The following SCD5 variants were observed in gnomAD, a reference collection of about 807,000 sequenced individuals.
SCD5 encodes acyl-CoA-desaturase 4.
A neutral mutation model predicts 30.4 loss-of-function variants in SCD5; 20 were observed. The observed-to-expected ratio is 0.66, with a 90% CI of 0.46 to 0.96. The LOEUF (loss-of-function observed/expected upper bound fraction) is 0.96. SCD5 is among the 40% of genes least tolerant of loss of function. The probability of loss-of-function intolerance (pLI) is 0.00; values close to 1 mark genes in which losing one functional copy is unlikely to be tolerated. For missense variants in SCD5, 381 were observed against 443.3 expected (o/e 0.86, Z 1.26); for synonymous variants, 173 against 176.4 (o/e 0.98, Z 0.16).
At chr4:82,746,219 T>C (rs1050928996) in intron 1 of SCD5, among the ~76,000 whole-genome samples, 1 of 152,168 alleles carries the variant, frequency 6.6e-6, no homozygotes, top group African/African-American at 2.4e-5. Context: ...TATCACTGAA[T>C]TAGAAAACTA....
intron 3 of SCD5, among the ~76,000 whole-genome samples, chr4:82,661,854 C>A (rs950408743): frequency 6.6e-6 from 1 of 152,176 alleles, no homozygotes. Flanking sequence ...ACGCAACACA[C>A]CCCATCTGTT....
chr4:82,683,638 C>A (rs1383496375), intron 2 of SCD5, among the ~76,000 whole-genome samples: 1 of 152,102 alleles, frequency 6.6e-6, no homozygotes, highest in African/African-American at 2.4e-5. Flanking sequence ...GGCACTGTGT[C>A]CCCACCCAAA....
intron 4 of SCD5, 117 bp downstream of exon 4, chr4:82,636,474 G>T: frequency 4.8e-5 from 32 of 671,120 alleles, no homozygotes; most frequent in Non-Finnish European, 7.7e-5. Context: ...AAAAGCTCAA[G>T]TTCACTGAAC....
chr4:82,737,558 T>G (rs950411336), intron 1 of SCD5, among the ~76,000 whole-genome samples: 1 of 152,200 alleles, frequency 6.6e-6, no homozygotes, highest in Non-Finnish European at 1.5e-5. Flanking sequence ...AATCCCCTCA[T>G]AAATTTTCCT....
chr4:82,728,531 T>C (rs2148834642), intron 1 of SCD5, among the ~76,000 whole-genome samples: 1 of 152,298 alleles, frequency 6.6e-6, no homozygotes, highest in Admixed American at 6.5e-5. Context: ...ATCACTATTG[T>C]AGAACCTAAG....
intron 1 of SCD5, among the ~76,000 whole-genome samples, chr4:82,770,179 C>G (rs778958909): frequency 2.1e-4 from 23 of 107,470 alleles, no homozygotes; most frequent in Non-Finnish European, 3.4e-4. Flanking sequence ...TGCTATCCTG[C>G]CCCCCTCCCC....
intron 1 of SCD5, among the ~76,000 whole-genome samples, chr4:82,748,152 A>T (rs1381362318): frequency 6.6e-6 from 1 of 152,234 alleles, no homozygotes; most frequent in Non-Finnish European, 1.5e-5. Flanking sequence ...AACCTAAAAG[A>T]GAAATAATTA....
intron 3 of SCD5, among the ~76,000 whole-genome samples, chr4:82,659,184 C>T (rs984546380): frequency 1.3e-5 from 2 of 151,912 alleles, no homozygotes; most frequent in African/African-American, 4.8e-5. Context: ...GGTGATATCC[C>T]CTTTATCATT....
At chr4:82,753,789 C>A (rs993882875) in intron 1 of SCD5, among the ~76,000 whole-genome samples, 1 of 152,114 alleles carries the variant, frequency 6.6e-6, no homozygotes, top group Non-Finnish European at 1.5e-5. Flanking sequence ...GCACATACCC[C>A]CCTGACAGAA....
At chr4:82,668,800 T>C (rs1273600013) in intron 3 of SCD5, among the ~76,000 whole-genome samples, 2 of 152,194 alleles carry the variant, frequency 1.3e-5, no homozygotes, top group African/African-American at 4.8e-5. Context: ...TGGCAGAGCA[T>C]GGTTGTACTT....
chr4:82,686,481 C>T (rs960878), intron 2 of SCD5, among the ~76,000 whole-genome samples: 121,567 of 152,136 alleles, frequency 0.8, 48,784 homozygotes, highest in Middle Eastern at 0.87. Flanking sequence ...TAACAATTCA[C>T]TTTCTGGAGT....
chr4:82,727,768 C>T (rs116067196), intron 1 of SCD5, among the ~76,000 whole-genome samples: 110 of 152,242 alleles, frequency 7.2e-4, no homozygotes, highest in African/African-American at 2.6e-3. Flanking sequence ...GTGCAGTGAC[C>T]GCGATCTCGG....
chr4:82,693,319 T>C (rs930023320), intron 2 of SCD5, among the ~76,000 whole-genome samples: 18 of 152,100 alleles, frequency 1.2e-4, no homozygotes, highest in Non-Finnish European at 2.5e-4. Flanking sequence ...ACATCTCTCA[T>C]TGCCTGTCCC....
Position 82,734,510 on chromosome 4 carries a change from T to C in SCD5, c.233-29097A>G, listed in dbSNP as rs374582903. ...CTTGTGTTTCAGATCTGCACAGCTG[T>C]GAGAAACCACATAAAGGAGATGTAA... is the stretch of plus-strand genomic sequence containing the variant. On this transcript the variant is annotated intron_variant, in intron 1 of 4. Transcript: ENST00000319540. Among the ~76,000 whole-genome samples the C allele has an allele frequency of 3.9e-5, 6 of 152,356 alleles. No homozygotes were observed. The South Asian group carries it at 8.3e-4, about 21-fold the overall frequency.
intron 3 of SCD5, among the ~76,000 whole-genome samples, chr4:82,673,665 A>G (rs1728374563): frequency 6.6e-6 from 1 of 152,202 alleles, no homozygotes; most frequent in Admixed American, 6.5e-5. Flanking sequence ...TGCAAGGTTT[A>G]TACGTGGAGG....
At position 82,749,378 on chromosome 4, in the gene SCD5, T is replaced by C. The variant is rs373288750; in HGVS notation, c.233-43965A>G. Reference sequence around the variant, plus strand: ...AAAAAGCACCCCTTCCAAAAGAATCTTTATGGCTTGCTACAGGCAGGAAAA... The same window carrying C: ...AAAAAGCACCCCTTCCAAAAGAATCCTTATGGCTTGCTACAGGCAGGAAAA... On this transcript the variant is annotated intron_variant, in intron 1 of 4. Coordinates refer to ENST00000319540, the MANE Select transcript of SCD5 (RefSeq NM_001037582.3). 2.2e-4 allele frequency among the ~76,000 whole-genome samples: 34 copies of C among 152,302 alleles called. No homozygotes were observed. In the East Asian group the frequency reaches 4.6e-3, roughly 21 times the overall value.
Position 82,671,073 on chromosome 4 carries a change from AAAG to A in SCD5, c.569+9631_569+9633del, listed in dbSNP as rs537164768. 1.8e-4 allele frequency among the ~76,000 whole-genome samples: 27 copies of A among 152,336 alleles called. No individual in the cohort carries two copies. In the East Asian group the frequency reaches 4.8e-3, roughly 27 times the overall value. ...AGATATACCATTCTTATAATAATCA[AAAG>A]AAGGTAGGAGTACCTATATTAATTT... On this transcript the variant is annotated intron_variant, in intron 3 of 4. Transcript: ENST00000319540.
intron 1 of SCD5, among the ~76,000 whole-genome samples, chr4:82,751,900 C>T (rs1426091954): frequency 1.3e-5 from 2 of 152,258 alleles, no homozygotes; most frequent in African/African-American, 2.4e-5. Flanking sequence ...GCTGGGATTA[C>T]AGGCGTGAGC....
intron 1 of SCD5, among the ~76,000 whole-genome samples, chr4:82,735,109 C>G (rs1480371649): frequency 6.6e-6 from 1 of 152,120 alleles, no homozygotes; most frequent in Non-Finnish European, 1.5e-5. Context: ...AGCAGGTCCT[C>G]AAAAAAGTGT....
Sources: gnomAD v4.1 joint callset for allele counts (sites outside exome capture counted in the v4.1 genomes callset) on GRCh38, gnomAD v4.1.1 for gene constraint, MANE v1.5 for transcripts, NCBI Gene and HGNC (gene_info 2026-07-23, HGNC 2026-07-21) for gene names.